The following CBFA2T3 variants were observed in gnomAD, a reference collection of about 807,000 sequenced individuals.
The protein encoded by CBFA2T3 is CBFA2/RUNX1 partner transcriptional co-repressor 3, also known as transcriptional corepressor CBFA2T3.
Under a neutral mutation model 58.6 loss-of-function variants are expected in CBFA2T3, and 31 were observed. The ratio of observed to expected loss-of-function variants is 0.53; its 90% CI spans 0.40 to 0.71. The LOEUF is 0.71. Ranked by LOEUF, CBFA2T3 falls within the 30% of genes least tolerant of loss-of-function variation. The probability of loss-of-function intolerance (pLI) is 0.00; values close to 1 mark genes in which losing one functional copy is unlikely to be tolerated. For missense variants in CBFA2T3, 1,076 were observed against 963.1 expected, an observed-to-expected ratio of 1.12 and a Z score of -1.55; for synonymous variants, 531 against 421.9, an observed-to-expected ratio of 1.26 and a Z score of -3.17.
At chr16:88,880,108 T>TG in intron 10 of CBFA2T3, 1 of 156,148 alleles carries the variant, frequency 6.4e-6, no homozygotes, top group Non-Finnish European at 1.4e-5. Context: ...TGTGCTAAGA[T>TG]GGGGTAGGCT....
At chr16:88,966,236 C>G (rs1192171738) in intron 1 of CBFA2T3, among the ~76,000 whole-genome samples, 1 of 152,234 alleles carries the variant, frequency 6.6e-6, no homozygotes, top group Non-Finnish European at 1.5e-5. Flanking sequence ...TGAAACACAT[C>G]TTGGCCACAT....
chr16:88,941,079 G>T, intron 1 of CBFA2T3: 1 of 984,910 alleles, frequency 1.0e-6, no homozygotes, highest in South Asian at 4.6e-5. Context: ...GACTCGGTCC[G>T]GGAGTCGCTG....
intron 10 of CBFA2T3, 50 bp from the exon 11 acceptor site, chr16:88,879,510 G>T: frequency 6.4e-7 from 1 of 1,561,110 alleles, no homozygotes; most frequent in Non-Finnish European, 8.8e-7. Flanking sequence ...ATCCCAGATG[G>T]GTCTCTGGAC....
chr16:88,891,622 G>C (rs1474644204), intron 5 of CBFA2T3, among the ~76,000 whole-genome samples: 1 of 152,210 alleles, frequency 6.6e-6, no homozygotes, highest in Non-Finnish European at 1.5e-5. Context: ...GGATTTAAGG[G>C]CTGATAATCA....
At chr16:88,898,632 G>C (rs1969983477) in intron 2 of CBFA2T3, among the ~76,000 whole-genome samples, 1 of 152,182 alleles carries the variant, frequency 6.6e-6, no homozygotes, top group African/African-American at 2.4e-5. Context: ...TCAGGGACCT[G>C]GGCCGAAGCC....
intron 1 of CBFA2T3, among the ~76,000 whole-genome samples, chr16:88,934,594 G>A (rs899517082): frequency 6.6e-6 from 1 of 152,254 alleles, no homozygotes; most frequent in East Asian, 1.9e-4. Flanking sequence ...ATGGGGACAC[G>A]GAGGCCCAGA....
At chr16:88,891,602 G>C (rs895033665) in intron 5 of CBFA2T3, among the ~76,000 whole-genome samples, 1 of 152,188 alleles carries the variant, frequency 6.6e-6, no homozygotes, top group Non-Finnish European at 1.5e-5. Context: ...GGACAGCTCT[G>C]TCCTGTGCTG....
At chr16:88,968,428 C>T (rs548697920) in intron 1 of CBFA2T3, among the ~76,000 whole-genome samples, 9 of 152,360 alleles carry the variant, frequency 5.9e-5, no homozygotes, top group South Asian at 4.1e-4. Flanking sequence ...ACAAGCCTCA[C>T]GGCTCCTGGC....
chr16:88,928,913 G>C (rs1051875335), intron 1 of CBFA2T3, among the ~76,000 whole-genome samples: 5 of 152,244 alleles, frequency 3.3e-5, no homozygotes, highest in Non-Finnish European at 5.9e-5. Flanking sequence ...CAGCGCAAAG[G>C]CCCTGAACTG....
At chr16:88,921,607 G>C (rs375239429) in intron 1 of CBFA2T3, among the ~76,000 whole-genome samples, 2 of 148,748 alleles carry the variant, frequency 1.3e-5, no homozygotes, top group Non-Finnish European at 3.0e-5. Context: ...GGGGAGGGAG[G>C]GGGGGCGGTT....
chr16:88,961,190 G>C lies in CBFA2T3; in HGVS notation c.151+15467C>G, dbSNP rs145328750. ...CTGCTGTAACAGATCTGTAAAGAAG[G>C]GGGCCTGTGGATGCCGCCAGAGCCC... On this transcript the variant is annotated intron_variant, in intron 1 of 11. Transcript: ENST00000268679. 3.9e-5 allele frequency among the ~76,000 whole-genome samples: 6 copies of C among 152,298 alleles called. No individual in the cohort carries two copies. In the East Asian group the frequency reaches 1.2e-3, roughly 29 times the overall value.
At chr16:88,975,788 C>T (rs1393187314) in intron 1 of CBFA2T3, among the ~76,000 whole-genome samples, 2 of 152,250 alleles carry the variant, frequency 1.3e-5, no homozygotes, top group African/African-American at 4.8e-5. Flanking sequence ...GCCGCCAGGA[C>T]CTGCTCAGGG....
chr16:88,942,187 C>G (rs907429072), intron 1 of CBFA2T3, among the ~76,000 whole-genome samples: 1 of 152,252 alleles, frequency 6.6e-6, no homozygotes, highest in Admixed American at 6.5e-5. Context: ...CCCCCTCCCC[C>G]GCCCGCTTTG....
Position 88,925,248 on chromosome 16 carries a change from G to A in CBFA2T3, c.152-23592C>T, listed in dbSNP as rs140324457. On this transcript the variant is annotated intron_variant, in intron 1 of 11. Transcript: ENST00000268679. Reference sequence around the variant, plus strand: ...AAGGTGCCAGGCAGGCAGATGGGCCGGGCTTGGGCACGGTGCAGCCGCAGC... The same window carrying A: ...AAGGTGCCAGGCAGGCAGATGGGCCAGGCTTGGGCACGGTGCAGCCGCAGC... Among the ~76,000 whole-genome samples, 686 of 152,268 alleles carry A rather than the reference G, an allele frequency of 4.5e-3. 8 individuals are homozygous for A. Among genetic ancestry groups the A allele is most frequent in the African/African-American group, 0.015 (643 of 41,546 alleles).
In CBFA2T3 at chr16:88,976,828, G is replaced by C. The variant is rs1267497340; in HGVS notation, c.-21C>G. 6.5e-7 allele frequency: 1 copy of C among 1,542,478 alleles called. No homozygotes were observed. On this transcript the variant is annotated 5_prime_UTR_variant, in exon 1 of 12. Transcript: ENST00000268679. Reference sequence around the variant, plus strand: ...GGCATGAGGAGGGCCACCCTCAGGGGCCAACCTGGAGCCCAGGACAGGCCT... The same window carrying C: ...GGCATGAGGAGGGCCACCCTCAGGGCCCAACCTGGAGCCCAGGACAGGCCT...
In CBFA2T3 at chr16:88,875,256, T is replaced by C. The variant is rs1033240441; in HGVS notation, c.*1720A>G. On this transcript the variant is annotated 3_prime_UTR_variant, in exon 12 of 12. Coordinates refer to ENST00000268679, the MANE Select transcript of CBFA2T3 (RefSeq NM_005187.6). ...GCGGGCCGTGCCTGCTGTCTGTCCT[T>C]GTACTCGGTGCAAGCATGAATTTCT... 2 of 233,604 alleles carry C rather than the reference T, an allele frequency of 8.6e-6. No individual in the cohort carries two copies. Among genetic ancestry groups the C allele is most frequent in the East Asian group, 6.0e-5 (1 of 16,588 alleles). The allele number at this position is 233,604 out of a possible 1,614,324, so 14.5% of individuals were successfully genotyped here. A position where few individuals can be genotyped will look rare whatever the true frequency, so the allele number is the denominator to read the frequency against.
rs188851094 is a variant in CBFA2T3 at position 88,902,881 on chromosome 16, G to C, written c.152-1225C>G. 6.3e-5 allele frequency among the ~76,000 whole-genome samples: 9 copies of C among 143,916 alleles called. No homozygotes were observed. In the East Asian group the frequency reaches 1.6e-3, roughly 26 times the overall value. 94.4% of individuals were successfully genotyped at this position (143,916 alleles called of 152,430 possible). A position where few individuals can be genotyped will look rare whatever the true frequency, so the allele number is the denominator to read the frequency against. ...CTCACCCACGACTGCCCCGCACCCT[G>C]CTCCTGCTGACACCTGTGGGTCTCA... On this transcript the variant is annotated intron_variant, in intron 1 of 11. Transcript: ENST00000268679.
chr16:88,888,194 C>A (rs1426622230), intron 5 of CBFA2T3, among the ~76,000 whole-genome samples: 1 of 151,804 alleles, frequency 6.6e-6, no homozygotes, highest in Non-Finnish European at 1.5e-5. Context: ...GCCAAGCAGG[C>A]CCCCACTCTC....
At chr16:88,878,604 G>T (rs1241337230) in intron 11 of CBFA2T3, among the ~76,000 whole-genome samples, 1 of 152,172 alleles carries the variant, frequency 6.6e-6, no homozygotes, top group Non-Finnish European at 1.5e-5. Flanking sequence ...GACGCCACCT[G>T]GGGCCCTCAC....
Sources: gnomAD v4.1 joint callset for allele counts (sites outside exome capture counted in the v4.1 genomes callset) on GRCh38, gnomAD v4.1.1 for gene constraint, MANE v1.5 for transcripts, NCBI Gene and HGNC (gene_info 2026-07-23, HGNC 2026-07-21) for gene names.